Variants in PCDHA7 observed in about 807,000 individuals in gnomAD.
PCDHA7 encodes the protein protocadherin alpha-7.
In PCDHA7, 37 loss-of-function variants were observed where a neutral mutation model predicts 57.2. The observed-to-expected ratio is 0.65, with a 90% CI of 0.50 to 0.85. The LOEUF (loss-of-function observed/expected upper bound fraction) is 0.85, where lower values mean the gene tolerates loss of function less well. Ranked by LOEUF, PCDHA7 falls within the 40% of genes least tolerant of loss-of-function variation. The pLI, the probability that PCDHA7 is intolerant of heterozygous loss-of-function variation, is 0.00. For missense variants in PCDHA7, 1,188 were observed against 1,241.8 expected, an observed-to-expected ratio of 0.96 and a Z score of 0.65; for synonymous variants, 553 against 558.8, an observed-to-expected ratio of 0.99 and a Z score of 0.15.
chr5:140,882,050 T>A, intron 1 of PCDHA7: 1 of 756,750 alleles, frequency 1.3e-6, no homozygotes, highest in African/African-American at 1.8e-5. Flanking sequence ...GAGTCATACT[T>A]ACACTTACAC....
At chr5:140,884,143 G>C (rs782116778) in intron 1 of PCDHA7, 1 of 1,613,438 alleles carries the variant, frequency 6.2e-7, no homozygotes. Context: ...TCCGCGTGGG[G>C]CTGTACACTG....
intron 3 of PCDHA7, among the ~76,000 whole-genome samples, chr5:141,006,727 G>A (rs2098285106): frequency 6.6e-6 from 1 of 152,080 alleles, no homozygotes. Context: ...AGAAATGACA[G>A]GTCTTGATGA....
At chr5:140,870,383 G>A (rs2051950706) in intron 1 of PCDHA7, 20 of 1,614,242 alleles carry the variant, frequency 1.2e-5, no homozygotes, top group Non-Finnish European at 1.7e-5. Flanking sequence ...GTGACTGCGC[G>A]GGATGGGGGT....
intron 1 of PCDHA7, among the ~76,000 whole-genome samples, chr5:140,952,513 A>G (rs533436826): frequency 6.6e-6 from 1 of 152,028 alleles, no homozygotes; most frequent in Non-Finnish European, 1.5e-5. Flanking sequence ...CCTCATCTCC[A>G]TCTGAGACCT....
intron 1 of PCDHA7, among the ~76,000 whole-genome samples, chr5:140,878,370 T>C (rs1049956194): frequency 6.6e-6 from 1 of 152,272 alleles, no homozygotes; most frequent in African/African-American, 2.4e-5. Context: ...GTCTGACATA[T>C]GATGAATGAT....
At chr5:140,864,091 A>C (rs564098013) in intron 1 of PCDHA7, 4 of 152,590 alleles carry the variant, frequency 2.6e-5, no homozygotes, top group Admixed American at 2.0e-4. Context: ...TTCAGTTGAT[A>C]AGTATAATGA....
intron 1 of PCDHA7, among the ~76,000 whole-genome samples, chr5:140,885,181 T>A (rs561922365): frequency 6.6e-6 from 1 of 152,330 alleles, no homozygotes; most frequent in African/African-American, 2.4e-5. Flanking sequence ...TCTAGGCACA[T>A]CAGTGTTCCC....
At chr5:140,963,989 T>C (rs2095803669) in intron 1 of PCDHA7, among the ~76,000 whole-genome samples, 1 of 152,202 alleles carries the variant, frequency 6.6e-6, no homozygotes, top group Non-Finnish European at 1.5e-5. Flanking sequence ...ATATTCCTAA[T>C]TACTGTGTTC....
At chr5:140,913,997 A>G (rs2076553878) in intron 1 of PCDHA7, among the ~76,000 whole-genome samples, 1 of 152,170 alleles carries the variant, frequency 6.6e-6, no homozygotes, top group Admixed American at 6.5e-5. Flanking sequence ...TGACTAGCAT[A>G]TGGTCTATCT....
At position 140,858,448 on chromosome 5, in the gene PCDHA7, C is replaced by G. The variant is rs1554151646; in HGVS notation, c.2355+21710C>G. The G allele has an allele frequency of 1.3e-6, 2 of 1,532,196 alleles. 1 individual carries two copies. The highest frequency in any genetic ancestry group is 2.8e-5 in the African/African-American group (2 of 72,594). 94.9% of individuals were successfully genotyped at this position (1,532,196 alleles called of 1,614,324 possible). ...ACCACTCTAGGAAGGTGGGTTATTA[C>G]GTTTTCATTTTCCTTTTGTGCTTTA... On this transcript the variant is annotated intron_variant, in intron 1 of 3. Transcript: ENST00000525929.
intron 1 of PCDHA7, chr5:140,862,594 A>G: frequency 2.0e-6 from 1 of 509,532 alleles, no homozygotes; most frequent in Non-Finnish European, 4.0e-6. Flanking sequence ...GCCCGAGTAC[A>G]TGGTGTTCGT....
chr5:140,948,076 A>G (rs1554218436), intron 1 of PCDHA7, among the ~76,000 whole-genome samples: 1 of 151,508 alleles, frequency 6.6e-6, no homozygotes, highest in Non-Finnish European at 1.5e-5. Flanking sequence ...ATTTTCTTTT[A>G]ATCTATTGAT....
chr5:140,855,718 G>T (rs1468611504), intron 1 of PCDHA7, among the ~76,000 whole-genome samples: 1 of 149,568 alleles, frequency 6.7e-6, no homozygotes, highest in Non-Finnish European at 1.5e-5. Flanking sequence ...AACATTTATT[G>T]TTATTAACTA....
At chr5:140,907,392 A>G (rs1362391388) in intron 1 of PCDHA7, among the ~76,000 whole-genome samples, 1 of 152,202 alleles carries the variant, frequency 6.6e-6, no homozygotes, top group Non-Finnish European at 1.5e-5. Context: ...GTCAAAGGCA[A>G]TGCTGTGTGG....
At chr5:140,882,301 G>T in intron 1 of PCDHA7, 1 of 1,613,800 alleles carries the variant, frequency 6.2e-7, no homozygotes, top group Non-Finnish European at 8.5e-7. Context: ...GCCCAAGACC[G>T]CGGCAACTAC....
intron 1 of PCDHA7, chr5:140,876,770 C>T (rs2056573777): frequency 6.2e-7 from 1 of 1,614,248 alleles, no homozygotes; most frequent in Non-Finnish European, 8.5e-7. Context: ...GGGGGCTCGC[C>T]TTCGCTGTGG....
At chr5:140,869,233 T>C in intron 1 of PCDHA7, 1 of 1,613,700 alleles carries the variant, frequency 6.2e-7, no homozygotes, top group Non-Finnish European at 8.5e-7. Context: ...ACACGGCACC[T>C]TCGTGGGCCG....
chr5:140,941,214 C>CTTTCT (rs1554214039), intron 1 of PCDHA7, among the ~76,000 whole-genome samples: 174 of 122,492 alleles, frequency 1.4e-3, no homozygotes, highest in African/African-American at 5.3e-3. Flanking sequence ...TTTCTTTCTT[C>CTTTCT]CTTTCTTTCT....
intron 1 of PCDHA7, chr5:140,875,344 A>C: frequency 6.9e-7 from 1 of 1,442,996 alleles, no homozygotes; most frequent in Non-Finnish European, 9.1e-7. Flanking sequence ...TCGACTCCAT[A>C]ATGACTGTGA....
Sources: gnomAD v4.1 joint callset for allele counts (sites outside exome capture counted in the v4.1 genomes callset) on GRCh38, gnomAD v4.1.1 for gene constraint, MANE v1.5 for transcripts, NCBI Gene and HGNC (gene_info 2026-07-23, HGNC 2026-07-21) for gene names.